Variants in HS6ST3 observed in about 807,000 individuals in gnomAD.
HS6ST3 encodes the protein heparan sulfate 6-O-sulfotransferase 3, also known as heparan-sulfate 6-O-sulfotransferase 3.
In HS6ST3, 12 loss-of-function variants were observed where a neutral mutation model predicts 36.7. That is an observed-to-expected ratio of 0.33 (90% CI 0.21 to 0.53). The LOEUF (loss-of-function observed/expected upper bound fraction) is 0.53. HS6ST3 is among the 20% of genes least tolerant of loss of function. HS6ST3 has a pLI of 0.95. For synonymous variants in HS6ST3, 240 were observed against 257.5 expected, an observed-to-expected ratio of 0.93 and a Z score of 0.65; for missense variants, 584 against 640.9, an observed-to-expected ratio of 0.91 and a Z score of 0.96.
intron 1 of HS6ST3, among the ~76,000 whole-genome samples, chr13:96,279,061 T>C (rs11841294): frequency 0.55 from 84,301 of 152,000 alleles, 24,179 homozygotes; most frequent in African/African-American, 0.7. Context: ...AAAGATCTTA[T>C]AATATAAATG....
chr13:96,816,133 GAAAGCAC>G (rs1278617184), intron 1 of HS6ST3, among the ~76,000 whole-genome samples: 2 of 152,224 alleles, frequency 1.3e-5, no homozygotes, highest in Non-Finnish European at 2.9e-5. Context: ...ATAGATGCTG[GAAAGCAC>G]AAAGGTGACT....
intron 1 of HS6ST3, among the ~76,000 whole-genome samples, chr13:96,146,854 G>A (rs2054060649): frequency 6.6e-6 from 1 of 152,188 alleles, no homozygotes; most frequent in Non-Finnish European, 1.5e-5. Context: ...GGAAACAATT[G>A]TATTAGCTAG....
chr13:96,648,717 G>C (rs1296890318), intron 1 of HS6ST3, among the ~76,000 whole-genome samples: 2 of 151,832 alleles, frequency 1.3e-5, no homozygotes, highest in East Asian at 3.9e-4. Context: ...TGTTCTCATT[G>C]TTCAGCTCCC....
chr13:96,260,958 A>G (rs973811595), intron 1 of HS6ST3, among the ~76,000 whole-genome samples: 5 of 152,076 alleles, frequency 3.3e-5, no homozygotes, highest in African/African-American at 1.2e-4. Context: ...CTTATAGTTA[A>G]GTCTGTTTGC....
Position 96,464,019 on chromosome 13 carries a change from G to GT in HS6ST3, c.708-368447dup, listed in dbSNP as rs66703746. ...TCTGTCCCATTAGTCCCATAGACAG[G>GT]TTTTTTTTTTTTTTTTTTTTTTTTA... On this transcript the variant is annotated intron_variant, in intron 1 of 1. Transcript: ENST00000376705. Among the ~76,000 whole-genome samples, 904 of 127,266 alleles carry GT rather than the reference G, an allele frequency of 7.1e-3. 13 individuals are homozygous for GT. Among genetic ancestry groups the GT allele is most frequent in the African/African-American group, 0.017 (519 of 30,958 alleles). The allele number at this position is 127,266 out of a possible 152,430, so 83.5% of individuals were successfully genotyped here.
At chr13:96,101,820 G>A (rs544909510) in intron 1 of HS6ST3, among the ~76,000 whole-genome samples, 23 of 152,174 alleles carry the variant, frequency 1.5e-4, no homozygotes, top group Non-Finnish European at 3.1e-4. Flanking sequence ...TCATTGTACC[G>A]CCTTACACGG....
intron 1 of HS6ST3, among the ~76,000 whole-genome samples, chr13:96,653,488 C>CTGAG (rs1193435005): frequency 6.6e-6 from 1 of 152,086 alleles, no homozygotes; most frequent in East Asian, 1.9e-4. Flanking sequence ...TGTTAGTTTG[C>CTGAG]TGAGAATGAT....
intron 1 of HS6ST3, among the ~76,000 whole-genome samples, chr13:96,112,605 AT>A (rs2053875397): frequency 9.9e-6 from 1 of 101,368 alleles, no homozygotes; most frequent in South Asian, 3.4e-4. Flanking sequence ...ATATATATAT[AT>A]ATATATATAT....
intron 1 of HS6ST3, among the ~76,000 whole-genome samples, chr13:96,368,499 G>C (rs2055274286): frequency 6.6e-6 from 1 of 150,818 alleles, no homozygotes; most frequent in African/African-American, 2.4e-5. Flanking sequence ...CTGATATTCA[G>C]AGCTTTTTTT....
chr13:96,128,299 C>T (rs1471009872), intron 1 of HS6ST3, among the ~76,000 whole-genome samples: 1 of 152,116 alleles, frequency 6.6e-6, no homozygotes, highest in African/African-American at 2.4e-5. Flanking sequence ...TGAGGCATAG[C>T]AGTGTGGTGG....
intron 1 of HS6ST3, among the ~76,000 whole-genome samples, chr13:96,326,916 T>G (rs2055035168): frequency 6.6e-6 from 1 of 150,780 alleles, no homozygotes; most frequent in Non-Finnish European, 1.5e-5. Context: ...GATTTGCATT[T>G]CTCTGATGGC....
intron 1 of HS6ST3, chr13:96,573,893 G>A: frequency 4.0e-6 from 2 of 500,744 alleles, no homozygotes; most frequent in South Asian, 1.5e-5. Context: ...CTCTCCCCCA[G>A]TCTAATGGAA....
intron 1 of HS6ST3, among the ~76,000 whole-genome samples, chr13:96,177,304 A>G (rs1012340345): frequency 1.3e-5 from 2 of 152,248 alleles, no homozygotes; most frequent in Admixed American, 1.3e-4. Flanking sequence ...TCATTCTACC[A>G]TAAAGACACA....
chr13:96,583,670 TG>T (rs1219310561), intron 1 of HS6ST3, among the ~76,000 whole-genome samples: 1 of 152,190 alleles, frequency 6.6e-6, no homozygotes, highest in Non-Finnish European at 1.5e-5. Context: ...CCATTCTAAC[TG>T]GTTTGTACCC....
chr13:96,818,865 G>A (rs1005075986), intron 1 of HS6ST3, among the ~76,000 whole-genome samples: 2 of 152,136 alleles, frequency 1.3e-5, no homozygotes, highest in African/African-American at 4.8e-5. Context: ...AGTCTACAAG[G>A]GTTGTATCAA....
chr13:96,793,032 G>T (rs1157470482), intron 1 of HS6ST3, among the ~76,000 whole-genome samples: 1 of 152,044 alleles, frequency 6.6e-6, no homozygotes, highest in African/African-American at 2.4e-5. Flanking sequence ...TGCTTTGTAA[G>T]TTAGAAGTAT....
intron 1 of HS6ST3, among the ~76,000 whole-genome samples, chr13:96,523,813 A>C (rs2056103326): frequency 6.6e-6 from 1 of 152,188 alleles, no homozygotes; most frequent in South Asian, 2.1e-4. Flanking sequence ...ATGCTCCCTT[A>C]GCTCAGAGAA....
At chr13:96,611,242 G>A (rs758769612) in intron 1 of HS6ST3, among the ~76,000 whole-genome samples, 63 of 151,570 alleles carry the variant, frequency 4.2e-4, no homozygotes, top group East Asian at 1.9e-4. Flanking sequence ...CCACTAACTC[G>A]TCTTCTACAA....
chr13:96,637,191 C>T (rs1013550867), intron 1 of HS6ST3, among the ~76,000 whole-genome samples: 1 of 151,860 alleles, frequency 6.6e-6, no homozygotes, highest in Non-Finnish European at 1.5e-5. Context: ...GGAGAGAGGC[C>T]CAGCTGAGAC....
Sources: gnomAD v4.1 joint callset for allele counts (sites outside exome capture counted in the v4.1 genomes callset) on GRCh38, gnomAD v4.1.1 for gene constraint, MANE v1.5 for transcripts, NCBI Gene and HGNC (gene_info 2026-07-23, HGNC 2026-07-21) for gene names.